HGS: variants seen among roughly 807,000 people sequenced by gnomAD.
The protein encoded by HGS is hepatocyte growth factor-regulated tyrosine kinase substrate, also known as human growth factor-regulated tyrosine kinase substrate.
Under a neutral mutation model 109.7 loss-of-function variants are expected in HGS, and 63 were observed. The observed-to-expected ratio is 0.57, with a 90% CI of 0.47 to 0.71. HGS has a LOEUF of 0.71. Among genes scored for constraint, HGS ranks in the 30% least tolerant of loss-of-function variants. HGS has a pLI of 0.00. For synonymous variants in HGS, 546 were observed against 437.3 expected (o/e 1.25, Z -3.10); for missense variants, 995 against 1,068.3 (o/e 0.93, Z 0.96).
chr17:81,701,529 C>T lies in HGS; in HGVS notation c.2245C>T (p.Pro749Ser). ...ACAGATGGCACCCTCTGGCGGTCCCCCCCAGCAGCAGCCCCCCGTGGCCCA... is the reference window on the plus strand; with the variant it reads ...ACAGATGGCACCCTCTGGCGGTCCCTCCCAGCAGCAGCCCCCCGTGGCCCA... Reference protein sequence around the residue: ...YQQMAPSGGPPQQQPPVAQQP... With the variant: ...YQQMAPSGGPSQQQPPVAQQP... The change falls in exon 22 of 22, where the codon CCC becomes TCC. Residue 749 changes from proline (P) to serine (S), a missense_variant. By Grantham distance (74) the Pro-to-Ser change is moderately conservative. Around this residue, in one of 6 missense-constraint regions of HGS, gnomAD observed 326 missense variants for 309.7 expected, o/e 1.05. Transcript: ENST00000329138. 6.4e-7 allele frequency: 1 copy of T among 1,562,414 alleles called. No individual in the cohort carries two copies. Among genetic ancestry groups the T allele is most frequent in the Non-Finnish European group, 8.6e-7 (1 of 1,160,834 alleles).
rs780564847 is a variant in HGS at position 81,701,563 on chromosome 17, AGGCACAGGGGCCGCC to A, written c.2289_2303del (p.Pro764_Gly768del). The A allele has an allele frequency of 1.2e-4, 187 of 1,572,838 alleles. 1 individual carries two copies. The Admixed American group carries it at 2.8e-3, about 24-fold the overall frequency. On this transcript the variant is annotated inframe_deletion, in exon 22 of 22. Transcript: ENST00000329138. ...CAGCCCCCCGTGGCCCAGCAACCGC[AGGCACAGGGGCCGCC>A]GGCACAGGGCAGCGAGGCCCAGCTC...
At position 81,694,921 on chromosome 17, in the gene HGS, C is replaced by T. The variant is rs938972823; in HGVS notation, c.976-3C>T. The T allele has an allele frequency of 6.2e-7, 1 of 1,614,118 alleles. No homozygotes were observed. On this transcript the variant is annotated splice_region_variant and splice_polypyrimidine_tract_variant and intron_variant, in intron 12 of 21. Transcript: ENST00000329138. ...TTGGGAGTGACCCCCTCATTGCCTG[C>T]AGCTCGCACGGTATCTCAACCGGAA...
In HGS at chr17:81,701,504, A is replaced by G. The variant is rs1358510196; in HGVS notation, c.2224-4A>G. 1 of 1,551,988 alleles carries G rather than the reference A, an allele frequency of 6.4e-7. No homozygotes were observed. Among genetic ancestry groups the G allele is most frequent in the Non-Finnish European group, 8.7e-7 (1 of 1,155,248 alleles). On this transcript the variant is annotated splice_polypyrimidine_tract_variant and splice_region_variant and intron_variant, in intron 21 of 21. Coordinates refer to ENST00000329138, the MANE Select transcript of HGS (RefSeq NM_004712.5). ...AGGGCCATGCCTGCTTTCCTCCTGC[A>G]CAGATGGCACCCTCTGGCGGTCCCC... is the stretch of plus-strand genomic sequence containing the variant.
chr17:81,685,886 G>T (rs1219433844), intron 2 of HGS, among the ~76,000 whole-genome samples, 197 bp downstream of exon 2: 4 of 152,190 alleles, frequency 2.6e-5, no homozygotes, highest in Non-Finnish European at 4.4e-5. Context: ...GCAGATACCT[G>T]GTTATGTTTG....
rs769598169 is a variant in HGS at position 81,700,517 on chromosome 17, C to T, written c.1933C>T (p.Gln645Ter). 6.2e-7 allele frequency: 1 copy of T among 1,607,950 alleles called. No individual in the cohort carries two copies. The highest frequency in any genetic ancestry group is 8.5e-7 in the Non-Finnish European group (1 of 1,177,154). ...YMYPAGATGA[Q>*]AAPQAQAGPT... is the part of the protein sequence containing the mutation. ...GTACCCAGCAGGGGCCACTGGGGCG[C>T]AGGCGGCCCCCCAGGCCCAGGCCGG... Residue 645 changes from glutamine to a stop codon, truncating the protein, a stop_gained, in exon 19 of 22, where the codon CAG (glutamine) becomes TAG (stop). Coordinates refer to ENST00000329138, the MANE Select transcript of HGS (RefSeq NM_004712.5). LOFTEE classifies it high-confidence loss of function.
chr17:81,699,192 T>C (rs2037197451), intron 18 of HGS, among the ~76,000 whole-genome samples: 1 of 152,254 alleles, frequency 6.6e-6, no homozygotes, highest in Non-Finnish European at 1.5e-5. Context: ...AAAAGTAGTT[T>C]TAAGAATGCT....
rs1268138292 is a variant in HGS at position 81,700,831 on chromosome 17, G to C, written c.2136+17G>C. The C allele has an allele frequency of 6.2e-7, 1 of 1,605,490 alleles. No individual in the cohort carries two copies. The highest frequency in any genetic ancestry group is 1.7e-5 in the Admixed American group (1 of 59,472). ...AACATGCAGGTACAGTGACCTCCAGGCCCTGCTGGGGGCCAGGGTGGGGGA... is the reference window on the plus strand; with the variant it reads ...AACATGCAGGTACAGTGACCTCCAGCCCCTGCTGGGGGCCAGGGTGGGGGA... On this transcript the variant is annotated intron_variant, in intron 20 of 21. Coordinates refer to ENST00000329138, the MANE Select transcript of HGS (RefSeq NM_004712.5).
chr17:81,689,067 G>A (rs2037026114), intron 5 of HGS, among the ~76,000 whole-genome samples: 1 of 152,358 alleles, frequency 6.6e-6, no homozygotes, highest in African/African-American at 2.4e-5. Context: ...CAACACACAG[G>A]TGAAAAGGCA....
intron 7 of HGS, 43 bp downstream of exon 7, chr17:81,690,785 C>T (rs1348555431): frequency 6.4e-7 from 1 of 1,565,388 alleles, no homozygotes; most frequent in East Asian, 2.2e-5. Flanking sequence ...GGCCAGACAC[C>T]AGGTCCCCTG....
Position 81,693,975 on chromosome 17 carries a change from C to T in HGS, c.936+10C>T, listed in dbSNP as rs773884008. 1.0e-4 allele frequency: 164 copies of T among 1,600,502 alleles called. No homozygotes were observed. Among genetic ancestry groups the T allele is most frequent in the Non-Finnish European group, 1.3e-4 (153 of 1,175,546 alleles). On this transcript the variant is annotated intron_variant, in intron 11 of 21. Transcript: ENST00000329138. ...GTACTCTTCACCTGTGGTGAGCGGCCCTTGGGCTGGAGCTCCCTCTCCTGG... is the reference window on the plus strand; with the variant it reads ...GTACTCTTCACCTGTGGTGAGCGGCTCTTGGGCTGGAGCTCCCTCTCCTGG...
intron 5 of HGS, 33 bp from the exon 6 acceptor site, chr17:81,690,149 G>T (rs372354655): frequency 1.2e-6 from 2 of 1,606,796 alleles, no homozygotes; most frequent in Non-Finnish European, 1.7e-6. Context: ...GGCCAGGTGG[G>T]AGCAGGCAGT....
intron 14 of HGS, 87 bp from the exon 15 acceptor site, chr17:81,695,699 T>C (rs1479039904): frequency 9.3e-6 from 11 of 1,181,500 alleles, no homozygotes; most frequent in Non-Finnish European, 1.1e-5. Flanking sequence ...CAGGCTTGAG[T>C]ATAGCTGGGT....
Position 81,700,780 on chromosome 17 carries a change from C to T in HGS, c.2102C>T (p.Ser701Leu), listed in dbSNP as rs746231981. The T allele has an allele frequency of 1.4e-5, 23 of 1,612,590 alleles. No homozygotes were observed. In the South Asian group the frequency reaches 2.1e-4, roughly 15 times the overall value. The change falls in exon 20 of 22, where the codon TCA becomes TTA. Residue 701 changes from serine (S) to leucine (L), a missense_variant. Ser to Leu is a moderately radical substitution (Grantham distance 145, BLOSUM62 -2). This residue lies in a region of HGS where 326 missense variants were observed against 309.7 expected (regional missense o/e 1.05). Transcript: ENST00000329138. ...SSTMGYMGSQ[S>L]VSMGYQPYNM... Reference sequence around the variant, plus strand: ...ACCATGGGCTACATGGGGAGCCAGTCAGTCTCCATGGGCTACCAGCCTTAC... The same window carrying T: ...ACCATGGGCTACATGGGGAGCCAGTTAGTCTCCATGGGCTACCAGCCTTAC...
chr17:81,699,669 C>T (rs1412807009), intron 18 of HGS, among the ~76,000 whole-genome samples: 3 of 151,952 alleles, frequency 2.0e-5, no homozygotes, highest in African/African-American at 7.3e-5. Context: ...CATGATCCGC[C>T]TGCCTCGGCC....
At chr17:81,687,496 C>T (rs2036998050) in intron 4 of HGS, among the ~76,000 whole-genome samples, 1 of 152,158 alleles carries the variant, frequency 6.6e-6, no homozygotes, top group African/African-American at 2.4e-5. Context: ...CTGGCCACAT[C>T]CCACAGGCAG....
At chr17:81,684,175 C>G in intron 1 of HGS, 72 bp downstream of exon 1, 1 of 1,324,998 alleles carries the variant, frequency 7.5e-7, no homozygotes, top group Non-Finnish European at 9.8e-7. Context: ...GTCAGCGCGG[C>G]CCCGAGGGCC....
rs34897798 is a variant in HGS at position 81,701,522 on chromosome 17, C to A, written c.2238C>A (p.Gly746=). ...QPMYQQMAPS[G]GPPQQQPPVA... is the part of the protein sequence containing the mutation. ...CTCCTGCACAGATGGCACCCTCTGG[C>A]GGTCCCCCCCAGCAGCAGCCCCCCG... Residue 746 remains glycine, a synonymous_variant, in exon 22 of 22, where the codon GGC becomes GGA. Coordinates refer to ENST00000329138, the MANE Select transcript of HGS (RefSeq NM_004712.5). 1.9e-6 allele frequency: 3 copies of A among 1,558,676 alleles called. No individual in the cohort carries two copies. Among genetic ancestry groups the A allele is most frequent in the Non-Finnish European group, 2.6e-6 (3 of 1,158,840 alleles).
At chr17:81,696,193 C>T in intron 15 of HGS, 164 bp from the exon 16 acceptor site, 2 of 1,036,482 alleles carry the variant, frequency 1.9e-6, no homozygotes, top group Non-Finnish European at 2.7e-6. Flanking sequence ...CTGCCCTGCC[C>T]TGCCCTGCCC....
intron 18 of HGS, chr17:81,698,334 A>C (rs2037185307): frequency 1.3e-5 from 2 of 152,218 alleles, no homozygotes; most frequent in African/African-American, 2.4e-5. Context: ...TGTGTTGCCC[A>C]AGCTGACCTC....
Sources: allele counts gnomAD v4.1 joint callset (sites outside exome capture counted in the v4.1 genomes callset), GRCh38; gene constraint gnomAD v4.1.1; regional missense constraint gnomAD v4.1.1; transcripts MANE v1.5; gene names NCBI Gene and HGNC (gene_info 2026-07-23, HGNC 2026-07-21).